The following BCAR3 variants were observed in gnomAD, a reference collection of about 807,000 sequenced individuals.
BCAR3 encodes the protein BCAR3 adaptor protein, NSP family member.
Under a neutral mutation model 80.1 loss-of-function variants are expected in BCAR3, and 37 were observed. The ratio of observed to expected loss-of-function variants is 0.46; its 90% CI spans 0.36 to 0.61. BCAR3 has a LOEUF of 0.61. Ranked by LOEUF, BCAR3 falls within the 20% of genes least tolerant of loss-of-function variation. The probability of loss-of-function intolerance (pLI) is 0.00; values close to 1 mark genes in which losing one functional copy is unlikely to be tolerated. For missense variants in BCAR3, 978 were observed against 1,068.2 expected (o/e 0.92, Z 1.18); for synonymous variants, 389 against 418.9 (o/e 0.93, Z 0.87).
chr1:93,657,252 C>A (rs1647432270), intron 2 of BCAR3, among the ~76,000 whole-genome samples: 1 of 151,722 alleles, frequency 6.6e-6, no homozygotes, highest in Non-Finnish European at 1.5e-5. Context: ...TTTTTTGGTT[C>A]CCTGAAACAG....
At chr1:93,820,843 C>T (rs1205697305) in intron 2 of BCAR3, among the ~76,000 whole-genome samples, 2 of 152,078 alleles carry the variant, frequency 1.3e-5, no homozygotes, top group African/African-American at 4.8e-5. Flanking sequence ...GGTAAGCCGA[C>T]CTCATCCTGA....
intron 2 of BCAR3, among the ~76,000 whole-genome samples, chr1:93,744,045 A>G (rs1261535474): frequency 6.6e-6 from 1 of 152,140 alleles, no homozygotes; most frequent in Non-Finnish European, 1.5e-5. Context: ...AGCAGGCTGT[A>G]TGCAAGAATA....
At chr1:93,708,401 T>A (rs1649898824) in intron 2 of BCAR3, among the ~76,000 whole-genome samples, 1 of 152,202 alleles carries the variant, frequency 6.6e-6, no homozygotes, top group Admixed American at 6.5e-5. Context: ...AGGGGCCTTT[T>A]TTGGTTTTGC....
chr1:93,584,397 T>C (rs950522341), intron 5 of BCAR3, among the ~76,000 whole-genome samples: 6 of 152,198 alleles, frequency 3.9e-5, no homozygotes, highest in African/African-American at 1.4e-4. Context: ...TGTTCCATCC[T>C]GTTGAACAGA....
At chr1:93,699,211 C>A (rs533812018) in intron 3 of BCAR3, among the ~76,000 whole-genome samples, 22 of 152,344 alleles carry the variant, frequency 1.4e-4, no homozygotes, top group Non-Finnish European at 3.1e-4. Context: ...TTTGAATTCT[C>A]CCCTCTGTCT....
chr1:93,616,112 GAC>G lies in BCAR3; in HGVS notation c.358-23721_358-23720del, dbSNP rs1190004901. The stretch of plus-strand genomic sequence containing the variant: ...CAGCCAGGGTAAAAACAAAACCAAA[GAC>G]ACTTAGGTCACTGTGGTATCACAGC... On this transcript the variant is annotated intron_variant, in intron 3 of 11. Transcript: ENST00000260502. 2.0e-5 allele frequency among the ~76,000 whole-genome samples: 3 copies of G among 152,114 alleles called. No individual in the cohort carries two copies. The East Asian group carries it at 5.8e-4, about 29-fold the overall frequency.
At chr1:93,772,182 C>A (rs147651513) in intron 2 of BCAR3, among the ~76,000 whole-genome samples, 238 of 152,306 alleles carry the variant, frequency 1.6e-3, no homozygotes, top group African/African-American at 5.4e-3. Flanking sequence ...AGATTCTATG[C>A]TGAGGGCAAT....
At chr1:93,618,934 T>TG (rs1675222701) in intron 3 of BCAR3, among the ~76,000 whole-genome samples, 1 of 150,490 alleles carries the variant, frequency 6.6e-6, no homozygotes, top group Non-Finnish European at 1.5e-5. Context: ...GTTTTTTTTT[T>TG]TTTTGTTTTT....
At chr1:93,715,542 T>G (rs1289294265) in intron 2 of BCAR3, among the ~76,000 whole-genome samples, 5 of 152,214 alleles carry the variant, frequency 3.3e-5, no homozygotes, top group African/African-American at 1.2e-4. Flanking sequence ...CTACCAGAAC[T>G]GCCAAATCAC....
chr1:93,628,252 C>A (rs1309119355), intron 3 of BCAR3, among the ~76,000 whole-genome samples: 5 of 152,070 alleles, frequency 3.3e-5, no homozygotes, highest in Non-Finnish European at 1.5e-5. Flanking sequence ...TTCCTAGAAC[C>A]CCCTTATTTA....
chr1:93,825,181 C>A (rs1654335990), intron 2 of BCAR3, among the ~76,000 whole-genome samples: 1 of 133,852 alleles, frequency 7.5e-6, no homozygotes, highest in African/African-American at 2.5e-5. Flanking sequence ...TGATACAATA[C>A]TGGAGTGCTA....
At chr1:93,636,351 C>A (rs1023354250) in intron 3 of BCAR3, among the ~76,000 whole-genome samples, 2 of 152,176 alleles carry the variant, frequency 1.3e-5, no homozygotes, top group Admixed American at 1.3e-4. Flanking sequence ...CACAGTGGGT[C>A]TAACAAGAAC....
chr1:93,562,023 C>T lies in BCAR3; in HGVS notation c.*218G>A, dbSNP rs1672693485. 1 of 413,746 alleles carries T rather than the reference C, an allele frequency of 2.4e-6. No individual in the cohort carries two copies. Among genetic ancestry groups the T allele is most frequent in the Admixed American group, 4.3e-5 (1 of 23,430 alleles). The allele number at this position is 413,746 out of a possible 1,614,324, so 25.6% of individuals were successfully genotyped here. ...TGCTGATCAACATTAGCAGTAGTTACCTTAATAATAAATTATTCATTTTAA... is the reference window on the plus strand; with the variant it reads ...TGCTGATCAACATTAGCAGTAGTTATCTTAATAATAAATTATTCATTTTAA... On this transcript the variant is annotated 3_prime_UTR_variant, in exon 12 of 12. Transcript: ENST00000260502.
chr1:93,715,371 C>A (rs1276615082), intron 2 of BCAR3, among the ~76,000 whole-genome samples: 1 of 152,138 alleles, frequency 6.6e-6, no homozygotes, highest in Non-Finnish European at 1.5e-5. Flanking sequence ...ATGACAGAAA[C>A]AAAGATTGCC....
At chr1:93,790,634 A>ATTTTTT (rs67196746) in intron 2 of BCAR3, among the ~76,000 whole-genome samples, 22 of 107,400 alleles carry the variant, frequency 2.0e-4, no homozygotes, top group African/African-American at 5.3e-4. Context: ...TTTTGTATTC[A>ATTTTTT]TTTTTTTTTT....
chr1:93,843,658 G>A (rs1376913846), intron 2 of BCAR3, among the ~76,000 whole-genome samples: 2 of 152,034 alleles, frequency 1.3e-5, no homozygotes, highest in African/African-American at 2.4e-5. Flanking sequence ...TAGTATAATA[G>A]AGCATCCTGG....
At chr1:93,832,653 C>G (rs556807396) in intron 2 of BCAR3, among the ~76,000 whole-genome samples, 2 of 152,276 alleles carry the variant, frequency 1.3e-5, no homozygotes, top group East Asian at 3.9e-4. Flanking sequence ...CTCCACATTA[C>G]CTTCTTTTCA....
intron 3 of BCAR3, among the ~76,000 whole-genome samples, chr1:93,692,896 T>A (rs1359370743): frequency 1.3e-5 from 2 of 152,052 alleles, no homozygotes; most frequent in Non-Finnish European, 2.9e-5. Flanking sequence ...TTGAACAGAG[T>A]TTCAGACATA....
At chr1:93,675,785 C>T (rs1220114169) in intron 1 of BCAR3, among the ~76,000 whole-genome samples, 1 of 152,096 alleles carries the variant, frequency 6.6e-6, no homozygotes, top group Non-Finnish European at 1.5e-5. Flanking sequence ...GACACTCTCT[C>T]CTATCTAGGA....
Sources: allele counts gnomAD v4.1 joint callset (sites outside exome capture counted in the v4.1 genomes callset), GRCh38; gene constraint gnomAD v4.1.1; transcripts MANE v1.5; gene names NCBI Gene and HGNC (gene_info 2026-07-23, HGNC 2026-07-21).